DOCK3: variants seen among roughly 807,000 people sequenced by gnomAD.
DOCK3 encodes dedicator of cytokinesis protein 3.
Under a neutral mutation model 265.6 loss-of-function variants are expected in DOCK3, and 60 were observed. The ratio of observed to expected loss-of-function variants is 0.23; its 90% confidence interval spans 0.18 to 0.28. The LOEUF is 0.28. Among genes scored for constraint, DOCK3 ranks in the 10% least tolerant of loss-of-function variants. DOCK3 has a pLI of 1.00. For missense variants in DOCK3, 1,981 were observed against 2,594.3 expected (o/e 0.76, Z 5.14); for synonymous variants, 881 against 938.0 (o/e 0.94, Z 1.11).
chr3:51,072,633 T>A (rs962201629), intron 6 of DOCK3, among the ~76,000 whole-genome samples: 2 of 152,124 alleles, frequency 1.3e-5, no homozygotes, highest in South Asian at 4.2e-4. Flanking sequence ...AGTCTTGAAC[T>A]CTGACCTCAG....
Position 51,160,541 on chromosome 3 carries a change from C to G in DOCK3, c.890-14C>G. The G allele has an allele frequency of 6.3e-7, 1 of 1,598,064 alleles. No homozygotes were observed. Among genetic ancestry groups the G allele is most frequent in the East Asian group, 2.2e-5 (1 of 44,606 alleles). Reference sequence around the variant, plus strand: ...CTTTTCTCAGTCTGACTGGTGTTTTCTGCTGTGCCCAAGGCCGGATGCTCC... The same window carrying G: ...CTTTTCTCAGTCTGACTGGTGTTTTGTGCTGTGCCCAAGGCCGGATGCTCC... On this transcript the variant is annotated splice_polypyrimidine_tract_variant and intron_variant, in intron 11 of 52. Transcript: ENST00000266037.
chr3:50,985,877 G>A (rs575037960), intron 5 of DOCK3, among the ~76,000 whole-genome samples: 1 of 151,816 alleles, frequency 6.6e-6, no homozygotes, highest in African/African-American at 2.4e-5. Flanking sequence ...GGGATGTATT[G>A]TCTCTGTACG....
At chr3:51,259,359 A>G (rs2079728149) in intron 22 of DOCK3, among the ~76,000 whole-genome samples, 1 of 151,566 alleles carries the variant, frequency 6.6e-6, no homozygotes, top group Non-Finnish European at 1.5e-5. Flanking sequence ...TCTCTCCATT[A>G]TTTCTGGCTT....
intron 3 of DOCK3, among the ~76,000 whole-genome samples, chr3:50,856,365 A>G (rs559625721): frequency 1.3e-5 from 2 of 151,980 alleles, no homozygotes; most frequent in Admixed American, 6.5e-5. Context: ...TGATTTTTTA[A>G]TAAATAGCCA....
At chr3:51,164,589 A>T (rs936297534) in intron 12 of DOCK3, among the ~76,000 whole-genome samples, 20 of 139,774 alleles carry the variant, frequency 1.4e-4, no homozygotes, top group African/African-American at 5.5e-4. Context: ...GCGCCACTGC[A>T]CTCCAGCCTA....
intron 1 of DOCK3, among the ~76,000 whole-genome samples, chr3:50,769,502 C>G (rs182859865): frequency 6.6e-6 from 1 of 152,078 alleles, no homozygotes; most frequent in East Asian, 1.9e-4. Context: ...TTTGACCACT[C>G]CTGTTCAACA....
intron 5 of DOCK3, among the ~76,000 whole-genome samples, chr3:50,958,060 A>G (rs901845713): frequency 1.1e-4 from 17 of 152,004 alleles, no homozygotes; most frequent in Non-Finnish European, 4.4e-5. Flanking sequence ...ACCCATAGCA[A>G]TTCTTCCTTT....
chr3:51,354,995 T>C lies in DOCK3; in HGVS notation c.4221T>C (p.Asp1407=). ...AVAMQHPNHP[D]DAILQCDAQY... ...CCATGCAGCACCCCAACCATCCTGATGACGCCATCCTACAGTGCGATGCCC... is the reference window on the plus strand; with the variant it reads ...CCATGCAGCACCCCAACCATCCTGACGACGCCATCCTACAGTGCGATGCCC... Residue 1407 remains aspartate (D), a synonymous_variant, in exon 41 of 53, where the codon GAT becomes GAC. Coordinates refer to ENST00000266037, the MANE Select transcript of DOCK3 (RefSeq NM_004947.5). The C allele has an allele frequency of 6.2e-7, 1 of 1,613,898 alleles. No individual in the cohort carries two copies. The highest frequency in any genetic ancestry group is 8.5e-7 in the Non-Finnish European group (1 of 1,179,848).
intron 5 of DOCK3, among the ~76,000 whole-genome samples, chr3:51,038,258 GT>G (rs1364152828): frequency 6.6e-6 from 1 of 152,188 alleles, no homozygotes; most frequent in Non-Finnish European, 1.5e-5. Flanking sequence ...GGTGGGCAGG[GT>G]TTTAGGATCT....
intron 5 of DOCK3, among the ~76,000 whole-genome samples, chr3:50,970,425 A>G (rs112490261): frequency 2.6e-5 from 4 of 152,156 alleles, no homozygotes; most frequent in African/African-American, 9.6e-5. Context: ...TGGAATATTT[A>G]TAACACATAG....
chr3:51,022,590 A>G (rs2079640275), intron 5 of DOCK3, among the ~76,000 whole-genome samples: 1 of 152,150 alleles, frequency 6.6e-6, no homozygotes, highest in Non-Finnish European at 1.5e-5. Flanking sequence ...TATGCATATA[A>G]AATTTCTTAT....
At chr3:51,106,056 G>C (rs1215733851) in intron 9 of DOCK3, among the ~76,000 whole-genome samples, 5 of 152,238 alleles carry the variant, frequency 3.3e-5, no homozygotes, top group Admixed American at 6.5e-5. Context: ...AGAGGGTTTG[G>C]TGTGGGAGCA....
intron 4 of DOCK3, among the ~76,000 whole-genome samples, chr3:50,916,670 G>A (rs143866066): frequency 2.0e-5 from 3 of 151,930 alleles, no homozygotes; most frequent in African/African-American, 7.3e-5. Context: ...TTAGCTGGGT[G>A]TGGTGGCGGG....
chr3:50,838,928 T>C (rs1226230426), intron 2 of DOCK3, among the ~76,000 whole-genome samples: 1 of 152,200 alleles, frequency 6.6e-6, no homozygotes, highest in Non-Finnish European at 1.5e-5. Flanking sequence ...AGGTGATGGC[T>C]GAAGTTCACT....
At chr3:50,749,971 G>A (rs1000877209) in intron 1 of DOCK3, among the ~76,000 whole-genome samples, 6 of 152,218 alleles carry the variant, frequency 3.9e-5, no homozygotes, top group Middle Eastern at 3.4e-3. Flanking sequence ...CCTGGGCCGC[G>A]GACTGGTACC....
At chr3:51,308,774 C>T in intron 27 of DOCK3, among the ~76,000 whole-genome samples, 1 of 152,088 alleles carries the variant, frequency 6.6e-6, no homozygotes, top group African/African-American at 2.4e-5. Flanking sequence ...AGAGGGGCTC[C>T]TCACTTCCCA....
At chr3:50,756,282 C>G (rs552746830) in intron 1 of DOCK3, among the ~76,000 whole-genome samples, 2 of 152,136 alleles carry the variant, frequency 1.3e-5, no homozygotes, top group African/African-American at 4.8e-5. Context: ...CATTTTGCCT[C>G]ATAATGTGCA....
intron 7 of DOCK3, among the ~76,000 whole-genome samples, chr3:51,086,591 A>G (rs538349673): frequency 6.6e-6 from 1 of 152,340 alleles, no homozygotes; most frequent in South Asian, 2.1e-4. Flanking sequence ...TGAGGTCAGG[A>G]GTTCAAGACC....
intron 52 of DOCK3, 60 bp downstream of exon 52, chr3:51,380,267 G>A: frequency 6.6e-7 from 1 of 1,510,860 alleles, no homozygotes; most frequent in African/African-American, 1.4e-5. Context: ...GTCTGCTCTA[G>A]AACCACCCTT....
Sources: gnomAD v4.1 joint callset for allele counts (sites outside exome capture counted in the v4.1 genomes callset) on GRCh38, gnomAD v4.1.1 for gene constraint, MANE v1.5 for transcripts, NCBI Gene and HGNC (gene_info 2026-07-23, HGNC 2026-07-21) for gene names.